The following ZFHX3 variants were observed in gnomAD, a reference collection of about 807,000 sequenced individuals.
ZFHX3 encodes the protein zinc finger homeobox protein 3.
Under a neutral mutation model 279.1 loss-of-function variants are expected in ZFHX3, and 42 were observed. That is an observed-to-expected ratio of 0.15 (90% CI 0.12 to 0.19). The LOEUF is 0.19. Ranked by LOEUF, ZFHX3 falls within the 10% of genes least tolerant of loss-of-function variation. ZFHX3 has a pLI of 1.00. For missense variants in ZFHX3, 4,981 were observed against 4,754.0 expected, an observed-to-expected ratio of 1.05 and a Z score of -1.40; for synonymous variants, 2,293 against 1,957.8, an observed-to-expected ratio of 1.17 and a Z score of -4.52.
At chr16:73,281,901 G>A (rs1187767207) in intron 4 of ZFHX3, among the ~76,000 whole-genome samples, 2 of 152,102 alleles carry the variant, frequency 1.3e-5, no homozygotes, top group Admixed American at 1.3e-4. Context: ...CTGATTACTC[G>A]GCCTGTTTTG....
At chr16:73,187,996 G>T (rs1597210505) in intron 5 of ZFHX3, among the ~76,000 whole-genome samples, 1 of 151,936 alleles carries the variant, frequency 6.6e-6, no homozygotes, top group African/African-American at 2.4e-5. Context: ...GTAGTAGCTG[G>T]GACTACAGGC....
intron 3 of ZFHX3, among the ~76,000 whole-genome samples, chr16:73,365,372 G>A (rs140751904): frequency 1.2e-4 from 18 of 152,314 alleles, no homozygotes; most frequent in African/African-American, 3.8e-4. Context: ...AATATTTATT[G>A]AGTGTCTACT....
intron 7 of ZFHX3, among the ~76,000 whole-genome samples, chr16:73,113,585 G>A (rs12597935): frequency 0.2 from 29,923 of 151,912 alleles, 3,039 homozygotes; most frequent in South Asian, 0.25. Context: ...CACCCACTAC[G>A]TGAGCTACTG....
At chr16:72,808,137 T>A (rs1405506084) in intron 7 of ZFHX3, 1 of 152,236 alleles carries the variant, frequency 6.6e-6, no homozygotes, top group Non-Finnish European at 1.5e-5. Flanking sequence ...TGGCATGATT[T>A]TAACCATAGG....
Position 73,513,279 on chromosome 16 carries a change from C to G in ZFHX3, c.-1546-57021G>C, listed in dbSNP as rs148218362. Among the ~76,000 whole-genome samples, 1,143 of 152,194 alleles carry G rather than the reference C, an allele frequency of 7.5e-3. 4 individuals are homozygous for G. The highest frequency in any genetic ancestry group is 0.012 in the Non-Finnish European group (840 of 67,994). On this transcript the variant is annotated intron_variant, in intron 2 of 17. Coordinates refer to the ZFHX3 transcript ENST00000641206. ...ACTCAGTAGCTGGATATTATTAGAG[C>G]CCTTGAGTCATAAAGTTGAGTAGGC...
Position 73,474,544 on chromosome 16 carries a change from A to T in ZFHX3, c.-1546-18286T>A, listed in dbSNP as rs748558185. ...GGTGAACTAGCATTCCCAGAGGAGG[A>T]GGAGGAAGCAGTGGTGGGGGTGGCA... On this transcript the variant is annotated intron_variant, in intron 2 of 17. Transcript: ENST00000641206. 1.6e-4 allele frequency among the ~76,000 whole-genome samples: 24 copies of T among 152,260 alleles called. No homozygotes were observed. In the Middle Eastern group the frequency reaches 0.01, roughly 65 times the overall value.
intron 1 of ZFHX3, among the ~76,000 whole-genome samples, chr16:73,811,324 T>A (rs1170503543): frequency 2.6e-5 from 4 of 152,248 alleles, no homozygotes; most frequent in African/African-American, 9.6e-5. Context: ...TTCTGGGTGA[T>A]CTAAAACTCT....
In ZFHX3 at chr16:73,709,773, T is replaced by C. The variant is rs117023702; in HGVS notation, c.-1607-29533A>G. On this transcript the variant is annotated intron_variant, in intron 1 of 17. Coordinates refer to the ZFHX3 transcript ENST00000641206. Reference sequence around the variant, plus strand: ...TTGCCAAAAGAGTCGATTTTAAATGTTCTCACCCCACACGAAAAAATGGTA... The same window carrying C: ...TTGCCAAAAGAGTCGATTTTAAATGCTCTCACCCCACACGAAAAAATGGTA... Among the ~76,000 whole-genome samples, 292 of 152,316 alleles carry C rather than the reference T, an allele frequency of 1.9e-3. 1 individual carries two copies. Among genetic ancestry groups the C allele is most frequent in the South Asian group, 0.01 (49 of 4,820 alleles).
chr16:73,448,674 A>G (rs978579165), intron 3 of ZFHX3, among the ~76,000 whole-genome samples: 10 of 141,366 alleles, frequency 7.1e-5, no homozygotes, highest in Non-Finnish European at 1.5e-4. Context: ...GGGAAGGTGT[A>G]TATTTATATA....
At chr16:73,386,520 C>A (rs1489650691) in intron 3 of ZFHX3, among the ~76,000 whole-genome samples, 1 of 152,100 alleles carries the variant, frequency 6.6e-6, no homozygotes, top group Admixed American at 6.6e-5. Flanking sequence ...ATATTACGGA[C>A]ATAACATTAA....
At chr16:73,673,339 T>C (rs2052922613) in intron 2 of ZFHX3, among the ~76,000 whole-genome samples, 1 of 152,178 alleles carries the variant, frequency 6.6e-6, no homozygotes, top group Non-Finnish European at 1.5e-5. Flanking sequence ...CCTACATATA[T>C]ATGACATAGT....
chr16:73,853,895 T>G (rs1448271115), intron 1 of ZFHX3, among the ~76,000 whole-genome samples: 1 of 152,034 alleles, frequency 6.6e-6, no homozygotes, highest in Non-Finnish European at 1.5e-5. Context: ...GTGATCCTAT[T>G]GTTGTAAGTG....
chr16:73,597,539 G>A (rs1470979911), intron 2 of ZFHX3, among the ~76,000 whole-genome samples: 1 of 152,172 alleles, frequency 6.6e-6, no homozygotes. Flanking sequence ...TGGGATAAGG[G>A]TTGGCCCTAG....
chr16:72,897,600 C>A (rs1035219455), intron 3 of ZFHX3, among the ~76,000 whole-genome samples: 2 of 152,020 alleles, frequency 1.3e-5, no homozygotes, highest in African/African-American at 4.8e-5. Flanking sequence ...GCCATCATGC[C>A]TGGCTAATTT....
At chr16:73,161,301 T>C (rs1222331003) in intron 5 of ZFHX3, among the ~76,000 whole-genome samples, 1 of 152,158 alleles carries the variant, frequency 6.6e-6, no homozygotes, top group Admixed American at 6.5e-5. Flanking sequence ...TAGACCTGAA[T>C]GACCCCTCTC....
intron 2 of ZFHX3, among the ~76,000 whole-genome samples, chr16:73,482,688 T>C (rs1256976025): frequency 1.3e-5 from 2 of 152,220 alleles, no homozygotes; most frequent in African/African-American, 4.8e-5. Context: ...CAAATTTCAA[T>C]GCCATTTCTG....
chr16:72,956,917 C>T lies in ZFHX3; in HGVS notation c.2719+510G>A, dbSNP rs184112007. On this transcript the variant is annotated intron_variant, in intron 2 of 9. Coordinates refer to ENST00000268489, the MANE Select transcript of ZFHX3 (RefSeq NM_006885.4). ...CTATCTGGATGGTTCCCTAGCTCGG[C>T]ACAGAATCAGCCTTTAGTTATCTGA... 2.6e-5 allele frequency among the ~76,000 whole-genome samples: 4 copies of T among 151,868 alleles called. No homozygotes were observed. The East Asian group carries it at 7.8e-4, about 29-fold the overall frequency.
intron 3 of ZFHX3, among the ~76,000 whole-genome samples, chr16:73,343,922 G>A (rs982955642): frequency 6.6e-6 from 1 of 152,146 alleles, no homozygotes; most frequent in Non-Finnish European, 1.5e-5. Context: ...CTTTCTTGCA[G>A]TAGAATTTGA....
chr16:72,798,545 C>T lies in ZFHX3; in HGVS notation c.4137G>A (p.Thr1379=), dbSNP rs765948721. ...QVFKTSAALQ[T]HFNEVHAKRP... ...TCTTGGCATGCACTTCATTAAAATGCGTCTGAAGGGCAGCAGAAGTTTTGA... is the reference window on the plus strand; with the variant it reads ...TCTTGGCATGCACTTCATTAAAATGTGTCTGAAGGGCAGCAGAAGTTTTGA... The change falls in exon 9 of 10, where the codon ACG becomes ACA. Residue 1379 remains threonine, a synonymous_variant. Coordinates refer to ENST00000268489, the MANE Select transcript of ZFHX3 (RefSeq NM_006885.4). 1.8e-5 allele frequency: 29 copies of T among 1,614,060 alleles called. No individual in the cohort carries two copies. Among genetic ancestry groups the T allele is most frequent in the Admixed American group, 3.3e-5 (2 of 60,000 alleles).
Sources: allele counts gnomAD v4.1 joint callset (sites outside exome capture counted in the v4.1 genomes callset), GRCh38; gene constraint gnomAD v4.1.1; transcripts MANE v1.5; gene names NCBI Gene and HGNC (gene_info 2026-07-23, HGNC 2026-07-21).